The following CSMD3 variants were observed in gnomAD, a reference collection of about 807,000 sequenced individuals.
CSMD3 encodes CUB and Sushi multiple domains 3.
Under a neutral mutation model 435.2 loss-of-function variants are expected in CSMD3, and 177 were observed. The observed-to-expected ratio is 0.41, with a 90% CI of 0.36 to 0.46. The LOEUF (loss-of-function observed/expected upper bound fraction) is 0.46, where lower values mean the gene tolerates loss of function less well. Among genes scored for constraint, CSMD3 ranks in the 20% least tolerant of loss-of-function variants. The pLI, the probability that CSMD3 is intolerant of heterozygous loss-of-function variation, is 0.34. For missense variants in CSMD3, 4,265 were observed against 4,504.6 expected (o/e 0.95, Z 1.52); for synonymous variants, 1,656 against 1,520.5 (o/e 1.09, Z -2.07).
chr8:112,439,965 C>T (rs920644084), intron 32 of CSMD3, among the ~76,000 whole-genome samples: 1 of 152,008 alleles, frequency 6.6e-6, no homozygotes, highest in East Asian at 1.9e-4. Context: ...TGACCCTGGC[C>T]CCTCCCAAAT....
At chr8:113,420,165 A>G (rs1008730275) in intron 1 of CSMD3, among the ~76,000 whole-genome samples, 1 of 152,180 alleles carries the variant, frequency 6.6e-6, no homozygotes, top group Admixed American at 6.5e-5. Context: ...AAACATTTAC[A>G]TACTGGGTGA....
At chr8:113,129,478 CCTTATTAA>C (rs2091228960) in intron 4 of CSMD3, among the ~76,000 whole-genome samples, 1 of 152,100 alleles carries the variant, frequency 6.6e-6, no homozygotes, top group South Asian at 2.1e-4. Flanking sequence ...ATTTAGTTCA[CCTTATTAA>C]CATGGGCAAC....
chr8:112,846,056 C>A (rs1296521490), intron 11 of CSMD3, among the ~76,000 whole-genome samples: 1 of 151,702 alleles, frequency 6.6e-6, no homozygotes, highest in Non-Finnish European at 1.5e-5. Flanking sequence ...TATACCTATG[C>A]CTTTCTTTTA....
At chr8:112,619,207 G>A (rs1460882741) in intron 22 of CSMD3, among the ~76,000 whole-genome samples, 1 of 151,964 alleles carries the variant, frequency 6.6e-6, no homozygotes, top group African/African-American at 2.4e-5. Context: ...TACTGGGATG[G>A]AGTTGGGGTA....
At chr8:112,968,676 T>C (rs895419998) in intron 7 of CSMD3, among the ~76,000 whole-genome samples, 3 of 152,062 alleles carry the variant, frequency 2.0e-5, no homozygotes, top group African/African-American at 7.2e-5. Flanking sequence ...CTCTTATAAT[T>C]GACCTATAAT....
At chr8:112,741,761 TGATAGATAGATGATA>T (rs2077310673) in intron 13 of CSMD3, among the ~76,000 whole-genome samples, 1 of 145,930 alleles carries the variant, frequency 6.9e-6, no homozygotes, top group East Asian at 2.0e-4. Context: ...TATAGATAAA[TGATAGATAGATGATA>T]GATAGATAGA....
Position 112,958,946 on chromosome 8 carries a change from G to C in CSMD3, c.1343-4185C>G, listed in dbSNP as rs952157748. Among the ~76,000 whole-genome samples, 10 of 152,182 alleles carry C rather than the reference G, an allele frequency of 6.6e-5. No individual in the cohort carries two copies. In the East Asian group the frequency reaches 1.7e-3, roughly 26 times the overall value. On this transcript the variant is annotated intron_variant, in intron 7 of 70. Coordinates refer to ENST00000297405, the MANE Select transcript of CSMD3 (RefSeq NM_198123.2). ...AGAAGGAATTTAAGTACAAGTTGGA[G>C]ATTTGGAAAAGGTGACCTTCAATTG...
chr8:112,295,808 A>G (rs1191567014), intron 54 of CSMD3, 25 bp downstream of exon 54: 10 of 1,608,030 alleles, frequency 6.2e-6, no homozygotes, highest in African/African-American at 1.3e-5. Context: ...AGAGGTCTCT[A>G]ATTGCTTTTG....
At chr8:112,883,342 G>A (rs1167403660) in intron 10 of CSMD3, among the ~76,000 whole-genome samples, 1 of 151,946 alleles carries the variant, frequency 6.6e-6, no homozygotes, top group Admixed American at 6.6e-5. Flanking sequence ...TCTTTTTGAT[G>A]TGAAATTAAA....
intron 50 of CSMD3, among the ~76,000 whole-genome samples, chr8:112,307,306 C>G (rs1340087523): frequency 6.6e-6 from 1 of 151,912 alleles, no homozygotes; most frequent in African/African-American, 2.4e-5. Context: ...GTTTGAGACA[C>G]AGTACTACTC....
intron 32 of CSMD3, among the ~76,000 whole-genome samples, chr8:112,430,351 T>A (rs1388828559): frequency 6.6e-6 from 1 of 152,042 alleles, no homozygotes; most frequent in Non-Finnish European, 1.5e-5. Context: ...AGATACATTA[T>A]CTCATGTAAG....
intron 16 of CSMD3, among the ~76,000 whole-genome samples, chr8:112,675,159 T>G (rs975802809): frequency 1.3e-5 from 2 of 152,116 alleles, no homozygotes; most frequent in Non-Finnish European, 2.9e-5. Context: ...GCAGGAAAAT[T>G]TAGTTCTCCA....
chr8:112,326,596 A>T (rs1823534903), intron 45 of CSMD3, among the ~76,000 whole-genome samples: 1 of 152,190 alleles, frequency 6.6e-6, no homozygotes, highest in Non-Finnish European at 1.5e-5. Context: ...TGCTGTGATG[A>T]TGTTTGTGCC....
chr8:113,274,023 GA>G (rs1324585349), intron 3 of CSMD3, among the ~76,000 whole-genome samples: 3 of 151,938 alleles, frequency 2.0e-5, no homozygotes, highest in African/African-American at 4.8e-5. Flanking sequence ...AAAATGTAAA[GA>G]ATTTGATAGC....
At position 112,568,907 on chromosome 8, in the gene CSMD3, C is replaced by T. The variant is rs554361683; in HGVS notation, c.4042+4594G>A. On this transcript the variant is annotated intron_variant, in intron 24 of 70. Transcript: ENST00000297405. ...ACTGTAAGTTGTCTTCTCAATATCT[C>T]CCTTCTTCCTTGCTAACAACTCTGA... Among the ~76,000 whole-genome samples the T allele has an allele frequency of 3.3e-5, 5 of 152,234 alleles. No individual in the cohort carries two copies. In the East Asian group the frequency reaches 9.7e-4, roughly 29 times the overall value.
At chr8:113,428,187 G>T (rs2130033725) in intron 1 of CSMD3, among the ~76,000 whole-genome samples, 1 of 151,030 alleles carries the variant, frequency 6.6e-6, no homozygotes, top group East Asian at 1.9e-4. Flanking sequence ...TAAGTTATGT[G>T]TTACTCCAAC....
At chr8:113,116,479 T>A (rs2090832447) in intron 4 of CSMD3, among the ~76,000 whole-genome samples, 1 of 152,196 alleles carries the variant, frequency 6.6e-6, no homozygotes, top group Non-Finnish European at 1.5e-5. Flanking sequence ...CTTTCCTTTG[T>A]TAATTACTCA....
chr8:112,529,994 C>T (rs890167194), intron 27 of CSMD3, among the ~76,000 whole-genome samples: 26 of 151,842 alleles, frequency 1.7e-4, no homozygotes, highest in South Asian at 1.2e-3. Context: ...AGAAATCATG[C>T]GGCTGAAGAA....
At chr8:113,282,864 G>A (rs1400463871) in intron 2 of CSMD3, among the ~76,000 whole-genome samples, 1 of 151,968 alleles carries the variant, frequency 6.6e-6, no homozygotes, top group Non-Finnish European at 1.5e-5. Flanking sequence ...CCAAAAGAGT[G>A]TGGTGCTAAC....
Sources: allele counts gnomAD v4.1 joint callset (sites outside exome capture counted in the v4.1 genomes callset), GRCh38; gene constraint gnomAD v4.1.1; transcripts MANE v1.5; gene names NCBI Gene and HGNC (gene_info 2026-07-23, HGNC 2026-07-21).